The following TNFRSF10B variants were observed in gnomAD, a reference collection of about 807,000 sequenced individuals.
TNFRSF10B encodes tumor necrosis factor receptor superfamily member 10B.
In TNFRSF10B, 35 loss-of-function variants were observed where a neutral mutation model predicts 41.4. That is an observed-to-expected ratio of 0.85 (90% CI 0.65 to 1.12). TNFRSF10B has a LOEUF of 1.12. TNFRSF10B is among the 50% of genes most tolerant of loss of function. TNFRSF10B has a pLI of 0.00. For synonymous variants in TNFRSF10B, 230 were observed against 215.5 expected, an observed-to-expected ratio of 1.07 and a Z score of -0.59; for missense variants, 584 against 552.7, an observed-to-expected ratio of 1.06 and a Z score of -0.57.
intron 2 of TNFRSF10B, among the ~76,000 whole-genome samples, chr8:23,042,683 G>A (rs1337393285): frequency 6.6e-6 from 1 of 152,142 alleles, no homozygotes; most frequent in Non-Finnish European, 1.5e-5. Context: ...AGCTTCATCT[G>A]TGTGGGATCT....
intron 2 of TNFRSF10B, among the ~76,000 whole-genome samples, chr8:23,034,432 C>A (rs763299499): frequency 1.8e-4 from 28 of 152,148 alleles, no homozygotes; most frequent in African/African-American, 6.5e-4. Flanking sequence ...AATAGTAAAT[C>A]AAAAGCAATA....
intron 1 of TNFRSF10B, among the ~76,000 whole-genome samples, chr8:23,043,768 T>G (rs1036275129): frequency 2.0e-5 from 3 of 152,176 alleles, no homozygotes; most frequent in Non-Finnish European, 2.9e-5. Flanking sequence ...AGCCCAGAAA[T>G]GAACTTGCAC....
chr8:23,068,798 G>A lies in TNFRSF10B; in HGVS notation c.97C>T (p.Arg33Trp), dbSNP rs1398922541. 1 of 1,609,662 alleles carries A rather than the reference G, an allele frequency of 6.2e-7. No homozygotes were observed. Among genetic ancestry groups the A allele is most frequent in the Non-Finnish European group, 8.5e-7 (1 of 1,178,462 alleles). Reference protein sequence around the residue: ...REARGARPGPRVPKTLVLVVA... With the variant: ...REARGARPGPWVPKTLVLVVA... ...ACGAGCACAAGGGTCTTGGGGACCC[G>A]GGGCCCAGGCCTGGCTCCCCGCGCC... Residue 33 changes from arginine (R) to tryptophan (W), a missense_variant, in exon 1 of 9, where the codon CGG becomes TGG. Arg to Trp is a moderately radical substitution (Grantham distance 101, BLOSUM62 -3). Transcript: ENST00000276431.
chr8:23,029,320 A>C (rs1023317446), intron 4 of TNFRSF10B, among the ~76,000 whole-genome samples: 1 of 152,228 alleles, frequency 6.6e-6, no homozygotes, highest in Non-Finnish European at 1.5e-5. Context: ...TTCTTATTTC[A>C]AGAGAAATTA....
At chr8:23,058,319 C>T (rs1563323535) in intron 1 of TNFRSF10B, among the ~76,000 whole-genome samples, 2 of 152,138 alleles carry the variant, frequency 1.3e-5, no homozygotes, top group Non-Finnish European at 2.9e-5. Flanking sequence ...CCATATCTAC[C>T]TTTGAGTTAT....
intron 2 of TNFRSF10B, 133 bp downstream of exon 2, chr8:23,043,005 A>C (rs1056790689): frequency 1.3e-6 from 1 of 759,136 alleles, no homozygotes; most frequent in Non-Finnish European, 2.2e-6. Flanking sequence ...CTCCAGAAGG[A>C]CAGAGCCTTG....
At chr8:23,028,288 G>C (rs1811771636) in intron 5 of TNFRSF10B, 43 bp downstream of exon 5, 3 of 1,612,172 alleles carry the variant, frequency 1.9e-6, no homozygotes, top group East Asian at 2.2e-5. Flanking sequence ...GGAGGGGGCA[G>C]GGCAGAGAGT....
intron 3 of TNFRSF10B, among the ~76,000 whole-genome samples, chr8:23,030,474 G>A (rs1220392252): frequency 5.9e-5 from 9 of 151,882 alleles, no homozygotes; most frequent in Non-Finnish European, 1.0e-4. Flanking sequence ...CACCATGCCC[G>A]GCTAATGTTT....
chr8:23,051,733 T>C (rs927958980), intron 1 of TNFRSF10B, among the ~76,000 whole-genome samples: 8 of 152,016 alleles, frequency 5.3e-5, no homozygotes, highest in Non-Finnish European at 1.0e-4. Context: ...TTAGTAGAGA[T>C]GGGGTTTCAT....
At chr8:23,049,988 T>C (rs1812479404) in intron 1 of TNFRSF10B, 1 of 152,196 alleles carries the variant, frequency 6.6e-6, no homozygotes, top group African/African-American at 2.4e-5. Flanking sequence ...TCAGGTGAGG[T>C]TTCCCCAGGG....
chr8:23,028,629 G>A, intron 4 of TNFRSF10B, 27 bp from the exon 5 acceptor site: 1 of 1,613,728 alleles, frequency 6.2e-7, no homozygotes, highest in South Asian at 1.1e-5. Context: ...AGGGAGAGGG[G>A]GGACTCTTGA....
chr8:23,060,789 G>C (rs1812810177), intron 1 of TNFRSF10B, among the ~76,000 whole-genome samples: 2 of 151,980 alleles, frequency 1.3e-5, no homozygotes, highest in Admixed American at 6.6e-5. Context: ...ATTTATTTTT[G>C]TATTCTTTAA....
At chr8:23,036,559 G>A (rs1034384597) in intron 2 of TNFRSF10B, among the ~76,000 whole-genome samples, 8 of 152,178 alleles carry the variant, frequency 5.3e-5, no homozygotes, top group Admixed American at 1.3e-4. Context: ...AAAGAAATCC[G>A]CTAGGCCGGG....
chr8:23,031,857 C>T (rs945782838), intron 2 of TNFRSF10B, among the ~76,000 whole-genome samples: 2 of 151,542 alleles, frequency 1.3e-5, no homozygotes, highest in African/African-American at 2.4e-5. Context: ...TTTCACAGTA[C>T]GTCTTCAAAT....
At chr8:23,025,213 ACC>A (rs1811667017) in intron 7 of TNFRSF10B, among the ~76,000 whole-genome samples, 3 of 152,124 alleles carry the variant, frequency 2.0e-5, no homozygotes, top group Admixed American at 2.0e-4. Context: ...TTACAAGAAG[ACC>A]CAAAATGCAA....
intron 7 of TNFRSF10B, among the ~76,000 whole-genome samples, chr8:23,026,092 A>G (rs1192078926): frequency 1.3e-5 from 2 of 152,140 alleles, no homozygotes; most frequent in African/African-American, 4.8e-5. Flanking sequence ...AAAAATCTTC[A>G]AAGTCATTAA....
chr8:23,056,295 C>T (rs531895446), intron 1 of TNFRSF10B, among the ~76,000 whole-genome samples: 74 of 152,146 alleles, frequency 4.9e-4, no homozygotes, highest in Admixed American at 1.2e-3. Flanking sequence ...ATTATCTGCC[C>T]TACTATAATA....
At chr8:23,031,912 A>ATATTTT (rs148152302) in intron 2 of TNFRSF10B, among the ~76,000 whole-genome samples, 2 of 27,880 alleles carry the variant, frequency 7.2e-5, no homozygotes, top group Non-Finnish European at 8.4e-5. Context: ...TTGCAGTAGC[A>ATATTTT]TTTTTTTTTT....
At chr8:23,062,364 G>A (rs540537345) in intron 1 of TNFRSF10B, among the ~76,000 whole-genome samples, 1 of 152,116 alleles carries the variant, frequency 6.6e-6, no homozygotes, top group East Asian at 1.9e-4. Context: ...GGGATCACAG[G>A]TGTGCTCCCC....
Sources: gnomAD v4.1 joint callset for allele counts (sites outside exome capture counted in the v4.1 genomes callset) on GRCh38, gnomAD v4.1.1 for gene constraint, MANE v1.5 for transcripts, NCBI Gene and HGNC (gene_info 2026-07-23, HGNC 2026-07-21) for gene names.